Variants in SLC8A1 observed in about 807,000 individuals in gnomAD.
The protein encoded by SLC8A1 is sodium/calcium exchanger 1.
SLC8A1 carries 18 observed loss-of-function variants against 68.3 expected under a neutral mutation model. That is an observed-to-expected ratio of 0.26 (90% CI 0.18 to 0.39). The LOEUF (loss-of-function observed/expected upper bound fraction) is 0.39. Ranked by LOEUF, SLC8A1 falls within the 10% of genes least tolerant of loss-of-function variation. The pLI, the probability that SLC8A1 is intolerant of heterozygous loss-of-function variation, is 1.00. For synonymous variants in SLC8A1, 475 were observed against 415.5 expected (o/e 1.14, Z -1.74); for missense variants, 985 against 1,156.7 (o/e 0.85, Z 2.15).
chr2:40,509,013 G>A (rs1706537622), intron 1 of SLC8A1, among the ~76,000 whole-genome samples: 1 of 152,062 alleles, frequency 6.6e-6, no homozygotes, highest in Admixed American at 6.6e-5. Flanking sequence ...ATAAATCAAT[G>A]GGATAAGGGA....
At chr2:40,390,833 A>T (rs1254760726) in intron 2 of SLC8A1, among the ~76,000 whole-genome samples, 1 of 152,060 alleles carries the variant, frequency 6.6e-6, no homozygotes, top group Non-Finnish European at 1.5e-5. Flanking sequence ...ATGTAGAGTA[A>T]ATTTTTTTAA....
At chr2:40,452,490 G>A (rs969714249), upstream of SLC8A1, among the ~76,000 whole-genome samples, 1 of 152,172 alleles carries the variant, frequency 6.6e-6, no homozygotes, top group Admixed American at 6.5e-5. Context: ...CACAGGCGCT[G>A]CAACTTTTCT....
intron 2 of SLC8A1, among the ~76,000 whole-genome samples, chr2:40,331,713 C>G (rs960187079): frequency 3.3e-5 from 5 of 151,998 alleles, no homozygotes; most frequent in African/African-American, 1.2e-4. Flanking sequence ...CCTGCCTTAG[C>G]CTACCGAGTA....
intron 2 of SLC8A1, among the ~76,000 whole-genome samples, chr2:40,301,364 T>C (rs543288605): frequency 6.6e-6 from 1 of 152,316 alleles, no homozygotes; most frequent in Admixed American, 6.5e-5. Flanking sequence ...AACATAAATA[T>C]GAATCCAAAA....
At chr2:40,445,867 C>T (rs1202623934) in intron 1 of SLC8A1, among the ~76,000 whole-genome samples, 1 of 152,122 alleles carries the variant, frequency 6.6e-6, no homozygotes, top group African/African-American at 2.4e-5. Flanking sequence ...TTGATGGGTA[C>T]CTCTCCAAAC....
intron 2 of SLC8A1, among the ~76,000 whole-genome samples, chr2:40,349,299 C>T (rs925036041): frequency 1.3e-5 from 2 of 151,918 alleles, no homozygotes; most frequent in East Asian, 1.9e-4. Context: ...TGGTTACAGT[C>T]GACACTTTGA....
intron 1 of SLC8A1, among the ~76,000 whole-genome samples, chr2:40,438,496 C>A (rs1699879794): frequency 1.3e-5 from 2 of 152,110 alleles, no homozygotes; most frequent in Non-Finnish European, 2.9e-5. Flanking sequence ...ACAGACACTA[C>A]AGGGATTGCA....
chr2:40,317,371 T>C (rs550542318), intron 2 of SLC8A1, among the ~76,000 whole-genome samples: 1 of 152,190 alleles, frequency 6.6e-6, no homozygotes, highest in South Asian at 2.1e-4. Flanking sequence ...GGGAAAATAG[T>C]TGTTTTGGTT....
chr2:40,437,348 T>G (rs976654999), intron 1 of SLC8A1, among the ~76,000 whole-genome samples: 4 of 152,126 alleles, frequency 2.6e-5, no homozygotes, highest in African/African-American at 9.7e-5. Context: ...CTCACATGTT[T>G]CCACTCCTGC....
At chr2:40,471,287 C>T (rs1432228596) in intron 1 of SLC8A1, among the ~76,000 whole-genome samples, 2 of 152,068 alleles carry the variant, frequency 1.3e-5, no homozygotes, top group Admixed American at 6.6e-5. Flanking sequence ...CTGCAGTGTC[C>T]GTTCTTTACC....
rs532053995 is a variant in SLC8A1, at chr2:40,252,085, A to G, written c.1809-74230T>C. 5.3e-5 allele frequency among the ~76,000 whole-genome samples: 8 copies of G among 152,316 alleles called. No individual in the cohort carries two copies. The South Asian group carries it at 1.7e-3, about 32-fold the overall frequency. On this transcript the variant is annotated intron_variant, in intron 2 of 7. Transcript: ENST00000406785. ...AATGGTTAATCAGTGTTGATGGATG[A>G]GCAAACTATGAATTATTTTCCCTCT...
At chr2:40,233,199 G>C (rs988091443) in intron 2 of SLC8A1, among the ~76,000 whole-genome samples, 32 of 152,214 alleles carry the variant, frequency 2.1e-4, no homozygotes, top group African/African-American at 7.0e-4. Flanking sequence ...GGTTGAACTA[G>C]TTTACAGTCC....
At chr2:40,321,600 G>C (rs78355901) in intron 2 of SLC8A1, among the ~76,000 whole-genome samples, 1 of 152,114 alleles carries the variant, frequency 6.6e-6, no homozygotes, top group South Asian at 2.1e-4. Context: ...AATCATGGCA[G>C]AAAGGGACGC....
intron 2 of SLC8A1, among the ~76,000 whole-genome samples, chr2:40,196,198 T>A (rs537874024): frequency 6.6e-6 from 1 of 151,758 alleles, no homozygotes; most frequent in East Asian, 1.9e-4. Context: ...CAAGGAAAAA[T>A]TTTCAAGTTG....
At chr2:40,182,104 A>G (rs897581741) in intron 2 of SLC8A1, among the ~76,000 whole-genome samples, 14 of 151,976 alleles carry the variant, frequency 9.2e-5, no homozygotes, top group Non-Finnish European at 1.8e-4. Context: ...GAGAACCTAC[A>G]TCCATTTTGG....
In SLC8A1 at chr2:40,170,185, A is replaced by G. The variant is rs112141279; in HGVS notation, c.1930+4640T>C. Reference sequence around the variant, plus strand: ...CTGCAGCATTATTTAGCAATGTTTTACAGAGGAGAGGGGCTAAAATGCATG... The same window carrying G: ...CTGCAGCATTATTTAGCAATGTTTTGCAGAGGAGAGGGGCTAAAATGCATG... On this transcript the variant is annotated intron_variant, in intron 4 of 7. Coordinates refer to ENST00000406785, the Ensembl canonical transcript of SLC8A1. 511 of 1,069,658 alleles carry G rather than the reference A, an allele frequency of 4.8e-4. 1 individual carries two copies. The African/African-American group carries it at 6.8e-3, about 14-fold the overall frequency. The allele number at this position is 1,069,658 out of a possible 1,614,324, so 66.3% of individuals were successfully genotyped here. A position where few individuals can be genotyped will look rare whatever the true frequency, so the allele number is the denominator to read the frequency against.
rs936467832 is a variant in SLC8A1, at chr2:40,237,923, C to T, written c.1809-60068G>A. Among the ~76,000 whole-genome samples the T allele has an allele frequency of 6.9e-4, 82 of 118,126 alleles. 1 individual carries two copies. Among genetic ancestry groups the T allele is most frequent in the African/African-American group, 2.4e-3 (76 of 32,148 alleles). The allele number at this position is 118,126 out of a possible 152,430, so 77.5% of individuals were successfully genotyped here. A position where few individuals can be genotyped will look rare whatever the true frequency, so the allele number is the denominator to read the frequency against. On this transcript the variant is annotated intron_variant, in intron 2 of 7. Coordinates refer to ENST00000406785, the Ensembl canonical transcript of SLC8A1. Reference sequence around the variant, plus strand: ...CCTCCCAGTTAGGCTGCTCGGGGGTCAGGGGTCAGGGACCCACTTGGGGAG... The same window carrying T: ...CCTCCCAGTTAGGCTGCTCGGGGGTTAGGGGTCAGGGACCCACTTGGGGAG...
intron 2 of SLC8A1, among the ~76,000 whole-genome samples, chr2:40,396,761 A>AAAAAAC (rs1435662007): frequency 5.5e-3 from 328 of 59,574 alleles, no homozygotes; most frequent in Middle Eastern, 0.02. Context: ...AAAAAAAAAA[A>AAAAAAC]AAAAAAAAAA....
chr2:40,447,852 T>G (rs945265588), intron 1 of SLC8A1, among the ~76,000 whole-genome samples: 4 of 152,238 alleles, frequency 2.6e-5, no homozygotes, highest in African/African-American at 9.6e-5. Context: ...AAAAGCATTT[T>G]CTTTGCTTCA....
Sources: gnomAD v4.1 joint callset for allele counts (sites outside exome capture counted in the v4.1 genomes callset) on GRCh38, gnomAD v4.1.1 for gene constraint, MANE v1.5 for transcripts, NCBI Gene and HGNC (gene_info 2026-07-23, HGNC 2026-07-21) for gene names.